CGREF1: variants seen among roughly 807,000 people sequenced by gnomAD.
CGREF1 encodes cell growth regulator with EF-hand domain 1, also known as cell growth regulator with EF hand domain protein 1.
Under a neutral mutation model 17.4 loss-of-function variants are expected in CGREF1, and 16 were observed. That is an observed-to-expected ratio of 0.92 (90% confidence interval 0.62 to 1.40). CGREF1 has a LOEUF of 1.40. Among genes scored for constraint, CGREF1 ranks in the 40% most tolerant of loss-of-function variants. The pLI is 0.00. For missense variants in CGREF1, 296 were observed against 376.4 expected (o/e 0.79, Z 1.77); for synonymous variants, 142 against 154.6 (o/e 0.92, Z 0.61).
intron 2 of CGREF1, 55 bp downstream of exon 2, chr2:27,104,232 C>A: frequency 6.6e-7 from 1 of 1,508,958 alleles, no homozygotes; most frequent in East Asian, 2.3e-5. Context: ...CCCTTGGATT[C>A]TCTAGAGACT....
chr2:27,111,745 C>T (rs978368281), intron 1 of CGREF1, among the ~76,000 whole-genome samples: 2 of 149,790 alleles, frequency 1.3e-5, no homozygotes, highest in Non-Finnish European at 2.9e-5. Flanking sequence ...GCCGGCGGGG[C>T]CGGCCGGCAG....
rs1423331270 is a variant in CGREF1, at chr2:27,102,003, C to T, written c.342+94G>A. ...GTGCAAGCTCTGAGCCCTCCTTTTA[C>T]AGAGGACTCACCAAAAGAGTTATGA... On this transcript the variant is annotated intron_variant, in intron 5 of 5. Transcript: ENST00000402394. The T allele has an allele frequency of 2.6e-6, 4 of 1,557,830 alleles. No individual in the cohort carries two copies. The African/African-American group carries it at 5.5e-5, about 21-fold the overall frequency.
chr2:27,102,731 T>TG (rs1670952635), intron 2 of CGREF1, 140 bp from the exon 3 acceptor site: 8 of 1,008,862 alleles, frequency 7.9e-6, no homozygotes, highest in Non-Finnish European at 1.1e-5. Flanking sequence ...AACCCTGTAG[T>TG]GGGGAGGCTC....
intron 1 of CGREF1, chr2:27,110,940 T>TA (rs1671348741): frequency 6.6e-6 from 1 of 152,458 alleles, no homozygotes; most frequent in Non-Finnish European, 1.5e-5. Context: ...CCCAGTGGGT[T>TA]CGTGATCTCG....
chr2:27,104,839 C>G, intron 1 of CGREF1: 1 of 1,424,990 alleles, frequency 7.0e-7, no homozygotes, highest in Non-Finnish European at 9.3e-7. Context: ...GAGAAATGGA[C>G]TGTTTGTGTT....
chr2:27,111,852 A>C (rs951926475), intron 1 of CGREF1, among the ~76,000 whole-genome samples: 14 of 152,012 alleles, frequency 9.2e-5, no homozygotes, highest in African/African-American at 2.9e-4. Context: ...GCCTCTCCCT[A>C]CACACCTCCC....
intron 2 of CGREF1, chr2:27,103,198 AGGAGTTGCAGCGACTTTTG>A: frequency 2.5e-6 from 2 of 809,806 alleles, no homozygotes; most frequent in Non-Finnish European, 3.0e-6. Context: ...GAGAGCTGGC[AGGAGTTGCAGCGACTTTTG>A]TCACAGCTAC....
chr2:27,117,141 G>C (rs1671618944), intron 1 of CGREF1, among the ~76,000 whole-genome samples: 1 of 148,768 alleles, frequency 6.7e-6, no homozygotes, highest in Non-Finnish European at 1.5e-5. Flanking sequence ...TCGAACCCCT[G>C]ATCAAGTGAT....
intron 1 of CGREF1, among the ~76,000 whole-genome samples, chr2:27,108,946 CT>C (rs911422868): frequency 6.2e-4 from 90 of 144,944 alleles, no homozygotes; most frequent in Non-Finnish European, 5.5e-4. Context: ...CCATGCCCAG[CT>C]TTTTTTTTTT....
chr2:27,110,134 G>C (rs758993824), intron 1 of CGREF1, among the ~76,000 whole-genome samples: 2 of 152,032 alleles, frequency 1.3e-5, no homozygotes, highest in East Asian at 1.9e-4. Flanking sequence ...GAGGTGGGAG[G>C]ATCACTTGAG....
chr2:27,100,551 G>A (rs1346569328), downstream of CGREF1: 4 of 1,290,120 alleles, frequency 3.1e-6, no homozygotes, highest in East Asian at 1.1e-4. Flanking sequence ...GCCTTATAAT[G>A]TAAAGAGCAT....
intron 1 of CGREF1, among the ~76,000 whole-genome samples, chr2:27,106,838 G>C (rs1023758902): frequency 3.3e-5 from 5 of 152,060 alleles, no homozygotes; most frequent in African/African-American, 4.8e-5. Flanking sequence ...AGCTGGTCTC[G>C]AACTCCTGAT....
At chr2:27,103,328 T>C (rs1007812243) in intron 2 of CGREF1, among the ~76,000 whole-genome samples, 4 of 152,086 alleles carry the variant, frequency 2.6e-5, no homozygotes, top group African/African-American at 9.7e-5. Flanking sequence ...TCAGATAACA[T>C]AGAAATGACA....
downstream of CGREF1, chr2:27,100,148 G>C: frequency 1.9e-6 from 1 of 517,396 alleles, no homozygotes. Flanking sequence ...TGCCCTGGCT[G>C]GGGAGGACAC....
At position 27,100,892 on chromosome 2, in the gene CGREF1, G is replaced by T; in HGVS notation, c.*382C>A. On this transcript the variant is annotated 3_prime_UTR_variant, in exon 6 of 6. Coordinates refer to ENST00000402394, the MANE Select transcript of CGREF1 (RefSeq NM_006569.6). Reference sequence around the variant, plus strand: ...AACCGGTGAGGGTTTGGGGCCCAGGGATAGACTGAGCTTTCCTCACTGGGT... The same window carrying T: ...AACCGGTGAGGGTTTGGGGCCCAGGTATAGACTGAGCTTTCCTCACTGGGT... 1 of 1,094,096 alleles carries T rather than the reference G, an allele frequency of 9.1e-7. No homozygotes were observed. The highest frequency in any genetic ancestry group is 1.1e-6 in the Non-Finnish European group (1 of 897,480). 67.8% of individuals were successfully genotyped at this position (1,094,096 alleles called of 1,614,324 possible). A position where few individuals can be genotyped will look rare whatever the true frequency, so the allele number is the denominator to read the frequency against.
intron 1 of CGREF1, among the ~76,000 whole-genome samples, chr2:27,106,395 A>C (rs1412014916): frequency 6.6e-6 from 1 of 152,156 alleles, no homozygotes. Context: ...GAGACCAGAG[A>C]TGATACCTGG....
At chr2:27,099,895 C>T (rs764011093), downstream of CGREF1, 6 of 1,530,702 alleles carry the variant, frequency 3.9e-6, no homozygotes, top group Non-Finnish European at 5.3e-6. Flanking sequence ...GTCCTGTGTT[C>T]CCCACAGGGA....
chr2:27,106,612 T>G (rs1385727578), intron 1 of CGREF1, among the ~76,000 whole-genome samples: 1 of 152,120 alleles, frequency 6.6e-6, no homozygotes, highest in Non-Finnish European at 1.5e-5. Context: ...ATGTGGATTT[T>G]TTGTTTTTGT....
chr2:27,109,549 G>A (rs1671266980), intron 1 of CGREF1, among the ~76,000 whole-genome samples: 1 of 152,084 alleles, frequency 6.6e-6, no homozygotes, highest in African/African-American at 2.4e-5. Flanking sequence ...AGCAAAGATG[G>A]CTGTTTGGGA....
Sources: gnomAD v4.1 joint callset for allele counts (sites outside exome capture counted in the v4.1 genomes callset) on GRCh38, gnomAD v4.1.1 for gene constraint, MANE v1.5 for transcripts, NCBI Gene and HGNC (gene_info 2026-07-23, HGNC 2026-07-21) for gene names.